Variants in NLGN1 observed in about 807,000 individuals in gnomAD.
NLGN1 encodes the protein neuroligin-1.
A neutral mutation model predicts 65.5 loss-of-function variants in NLGN1; 12 were observed. The ratio of observed to expected loss-of-function variants is 0.18; its 90% CI spans 0.12 to 0.30. NLGN1 has a LOEUF of 0.30. Among genes scored for constraint, NLGN1 ranks in the 10% least tolerant of loss-of-function variants. The pLI, the probability that NLGN1 is intolerant of heterozygous loss-of-function variation, is 1.00. For missense variants in NLGN1, 750 were observed against 1,007.1 expected, an observed-to-expected ratio of 0.74 and a Z score of 3.46; for synonymous variants, 350 against 359.5, an observed-to-expected ratio of 0.97 and a Z score of 0.30.
intron 4 of NLGN1, among the ~76,000 whole-genome samples, chr3:173,971,595 C>A (rs1456414769): frequency 6.6e-6 from 1 of 151,962 alleles, no homozygotes; most frequent in Non-Finnish European, 1.5e-5. Flanking sequence ...AATTTCCCCC[C>A]AAACACTGAG....
chr3:173,657,306 T>A (rs1760201107), intron 3 of NLGN1, among the ~76,000 whole-genome samples: 1 of 151,974 alleles, frequency 6.6e-6, no homozygotes, highest in Admixed American at 6.6e-5. Context: ...TGCTGCCAAT[T>A]CCTGGGGCAT....
chr3:174,078,967 T>C lies in NLGN1; in HGVS notation c.647-196348T>C, dbSNP rs115101218. On this transcript the variant is annotated intron_variant, in intron 4 of 6. Transcript: ENST00000457714. Reference sequence around the variant, plus strand: ...AATGAAGATTATATATCCTTTATTTTTTAGTGACACAAGTACCGTAATACA... The same window carrying C: ...AATGAAGATTATATATCCTTTATTTCTTAGTGACACAAGTACCGTAATACA... Among the ~76,000 whole-genome samples, 548 of 152,266 alleles carry C rather than the reference T, an allele frequency of 3.6e-3. 4 individuals carry two copies. The highest frequency in any genetic ancestry group is 0.012 in the African/African-American group (508 of 41,556).
At chr3:173,448,809 G>T (rs1284567840) in intron 2 of NLGN1, among the ~76,000 whole-genome samples, 3 of 152,120 alleles carry the variant, frequency 2.0e-5, no homozygotes, top group Non-Finnish European at 4.4e-5. Context: ...ATGTGTCGAG[G>T]AATTTATCCA....
chr3:173,716,837 A>G (rs1769935779), intron 3 of NLGN1, among the ~76,000 whole-genome samples: 1 of 152,006 alleles, frequency 6.6e-6, no homozygotes, highest in South Asian at 2.1e-4. Context: ...TCCAAGGTGA[A>G]TATTTGTCGT....
At chr3:173,623,764 A>T (rs1389351810) in intron 3 of NLGN1, among the ~76,000 whole-genome samples, 5 of 152,002 alleles carry the variant, frequency 3.3e-5, no homozygotes, top group Non-Finnish European at 5.9e-5. Flanking sequence ...TGTTTTAGGA[A>T]GATTAGTTTG....
At chr3:173,921,123 A>G (rs2152263212) in intron 4 of NLGN1, among the ~76,000 whole-genome samples, 1 of 149,492 alleles carries the variant, frequency 6.7e-6, no homozygotes, top group East Asian at 1.9e-4. Context: ...GGAAGTTCAT[A>G]GCAATAGATT....
intron 4 of NLGN1, among the ~76,000 whole-genome samples, chr3:174,228,503 C>A (rs1265729121): frequency 6.6e-5 from 10 of 152,104 alleles, no homozygotes; most frequent in Non-Finnish European, 1.5e-4. Context: ...AGTGTATTTT[C>A]TGTACTGTGC....
At chr3:173,715,465 T>C (rs1769694438) in intron 3 of NLGN1, among the ~76,000 whole-genome samples, 2 of 152,300 alleles carry the variant, frequency 1.3e-5, no homozygotes, top group African/African-American at 4.8e-5. Flanking sequence ...GTGATTCTTC[T>C]CTCTTATTAA....
chr3:173,592,840 A>G (rs1042066382), intron 2 of NLGN1, among the ~76,000 whole-genome samples: 1 of 152,152 alleles, frequency 6.6e-6, no homozygotes, highest in Non-Finnish European at 1.5e-5. Context: ...GATTCTCATC[A>G]TAGTTTGGAT....
intron 3 of NLGN1, among the ~76,000 whole-genome samples, chr3:173,611,425 A>G (rs1228230799): frequency 2.0e-5 from 3 of 152,080 alleles, no homozygotes; most frequent in African/African-American, 7.2e-5. Context: ...GCACAAAGCA[A>G]CAATAAAAAT....
chr3:173,529,046 T>C (rs1485225403), intron 2 of NLGN1, among the ~76,000 whole-genome samples: 1 of 152,214 alleles, frequency 6.6e-6, no homozygotes, highest in East Asian at 1.9e-4. Context: ...TGGATCCTTA[T>C]CATCTAGGGA....
At chr3:173,988,010 G>T (rs114086927) in intron 4 of NLGN1, among the ~76,000 whole-genome samples, 1,609 of 152,212 alleles carry the variant, frequency 0.011, 25 homozygotes, top group African/African-American at 0.034. Context: ...ATATAAAGAT[G>T]CATAGCTACA....
At chr3:173,712,846 T>G (rs1769206902) in intron 3 of NLGN1, among the ~76,000 whole-genome samples, 1 of 151,954 alleles carries the variant, frequency 6.6e-6, no homozygotes, top group African/African-American at 2.4e-5. Flanking sequence ...AGATAACAAA[T>G]TAATTGTAAA....
chr3:173,582,934 T>G (rs1317536048), intron 2 of NLGN1, among the ~76,000 whole-genome samples: 1 of 152,162 alleles, frequency 6.6e-6, no homozygotes, highest in Non-Finnish European at 1.5e-5. Flanking sequence ...ACATGTGAAG[T>G]TGCAATCTTG....
At chr3:174,092,845 A>C (rs753120949) in intron 4 of NLGN1, among the ~76,000 whole-genome samples, 44 of 152,242 alleles carry the variant, frequency 2.9e-4, no homozygotes, top group South Asian at 2.3e-3. Context: ...TCAAATGTGG[A>C]CCATGGATTC....
chr3:173,552,960 A>G (rs1741125392), intron 2 of NLGN1, among the ~76,000 whole-genome samples: 1 of 152,230 alleles, frequency 6.6e-6, no homozygotes, highest in Non-Finnish European at 1.5e-5. Flanking sequence ...GATCAGAGAC[A>G]TAAAATCTTG....
chr3:173,593,353 T>C (rs1748871421), intron 2 of NLGN1, among the ~76,000 whole-genome samples: 1 of 152,202 alleles, frequency 6.6e-6, no homozygotes, highest in Non-Finnish European at 1.5e-5. Flanking sequence ...TAGTTACTTT[T>C]TTGTCTTCAT....
chr3:174,001,586 C>A (rs919521226), intron 4 of NLGN1, among the ~76,000 whole-genome samples: 1 of 152,152 alleles, frequency 6.6e-6, no homozygotes, highest in African/African-American at 2.4e-5. Context: ...CAAAAGCAGA[C>A]ATATATTGGT....
chr3:173,849,113 TA>T (rs756583811), intron 4 of NLGN1, among the ~76,000 whole-genome samples: 6 of 152,182 alleles, frequency 3.9e-5, no homozygotes, highest in Non-Finnish European at 7.4e-5. Context: ...ATCTATTGTA[TA>T]AGCTTTGCGA....
Sources: allele counts gnomAD v4.1 joint callset (sites outside exome capture counted in the v4.1 genomes callset), GRCh38; gene constraint gnomAD v4.1.1; transcripts MANE v1.5; gene names NCBI Gene and HGNC (gene_info 2026-07-23, HGNC 2026-07-21).